Variants in TMCO4 observed in about 807,000 individuals in gnomAD.
TMCO4 encodes the protein transmembrane and coiled-coil domain-containing protein 4.
TMCO4 carries 58 observed loss-of-function variants against 64.7 expected under a neutral mutation model. The observed-to-expected ratio is 0.90, with a 90% CI of 0.73 to 1.12. The LOEUF (loss-of-function observed/expected upper bound fraction) is 1.12. TMCO4 is among the 50% of genes most tolerant of loss of function. The pLI is 0.00. For missense variants in TMCO4, 780 were observed against 825.9 expected (o/e 0.94, Z 0.68); for synonymous variants, 325 against 346.1 (o/e 0.94, Z 0.68).
chr1:19,768,118 A>T (rs1044573084), intron 6 of TMCO4, among the ~76,000 whole-genome samples: 1 of 148,650 alleles, frequency 6.7e-6, no homozygotes, highest in African/African-American at 2.5e-5. Flanking sequence ...AAAAAAGAGG[A>T]TCATCCAAGT....
At chr1:19,696,341 G>A (rs1314051943) in intron 14 of TMCO4, among the ~76,000 whole-genome samples, 1 of 152,112 alleles carries the variant, frequency 6.6e-6, no homozygotes, top group Non-Finnish European at 1.5e-5. Flanking sequence ...CTCGGGCCCA[G>A]GCATTTGAGA....
At chr1:19,766,849 C>T (rs1413243339) in intron 6 of TMCO4, among the ~76,000 whole-genome samples, 1 of 152,100 alleles carries the variant, frequency 6.6e-6, no homozygotes, top group Non-Finnish European at 1.5e-5. Context: ...AAACCACTTC[C>T]CCCTCTAGGC....
chr1:19,798,630 CTG>C (rs1339538742), intron 1 of TMCO4, among the ~76,000 whole-genome samples: 4 of 152,244 alleles, frequency 2.6e-5, no homozygotes, highest in Non-Finnish European at 5.9e-5. Context: ...CTGTCTGATG[CTG>C]CACACGAGGG....
chr1:19,721,808 A>G (rs2100742199), intron 13 of TMCO4, among the ~76,000 whole-genome samples: 1 of 152,138 alleles, frequency 6.6e-6, no homozygotes, highest in Non-Finnish European at 1.5e-5. Flanking sequence ...AAAACAAAAC[A>G]AAACAAAACA....
chr1:19,747,928 T>C (rs890985785), intron 7 of TMCO4, among the ~76,000 whole-genome samples: 1 of 152,190 alleles, frequency 6.6e-6, no homozygotes, highest in Non-Finnish European at 1.5e-5. Context: ...GGAGAGGTTA[T>C]TAAGTAGGAA....
At chr1:19,716,381 C>CTTTTTTTTTTTTTTTTTTTTTTTTCT (rs1262772167) in intron 13 of TMCO4, among the ~76,000 whole-genome samples, 12 of 124,470 alleles carry the variant, frequency 9.6e-5, no homozygotes, top group African/African-American at 1.9e-4. Context: ...TTTTTTCTTT[C>CTTTTTTTTTTTTTTTTTTTTTTTTCT]TTTTTTTTTT....
chr1:19,700,942 A>T, intron 13 of TMCO4, 57 bp from the exon 14 acceptor site: 1 of 1,410,606 alleles, frequency 7.1e-7, no homozygotes, highest in Admixed American at 1.7e-5. Context: ...GGGTGCTGGG[A>T]GGGACTCCAA....
At chr1:19,763,194 G>C (rs1174130315) in intron 6 of TMCO4, among the ~76,000 whole-genome samples, 1 of 151,860 alleles carries the variant, frequency 6.6e-6, no homozygotes, top group Non-Finnish European at 1.5e-5. Flanking sequence ...TTGTTCCTCA[G>C]CCTCCCGGGT....
chr1:19,775,037 G>A (rs1232750614), intron 4 of TMCO4, among the ~76,000 whole-genome samples: 1 of 152,124 alleles, frequency 6.6e-6, no homozygotes, highest in Non-Finnish European at 1.5e-5. Context: ...CTTACACAGG[G>A]CGCACCTGGC....
intron 15 of TMCO4, among the ~76,000 whole-genome samples, chr1:19,685,741 T>C (rs2095143663): frequency 1.9e-5 from 2 of 104,512 alleles, no homozygotes; most frequent in South Asian, 3.2e-4. Context: ...TGAGACAGAG[T>C]CTCGCTCTGT....
At chr1:19,694,584 G>C (rs1396006563) in intron 14 of TMCO4, 33 bp from the exon 15 acceptor site, 4 of 1,602,036 alleles carry the variant, frequency 2.5e-6, no homozygotes, top group Non-Finnish European at 2.6e-6. Context: ...GTGAACATTA[G>C]CACCAGCCTC....
At chr1:19,789,611 C>A (rs998614308) in intron 2 of TMCO4, among the ~76,000 whole-genome samples, 1 of 151,998 alleles carries the variant, frequency 6.6e-6, no homozygotes, top group Non-Finnish European at 1.5e-5. Flanking sequence ...TAGAAAAAAA[C>A]CCTTTTAATT....
At chr1:19,796,941 C>T (rs1458656400) in intron 2 of TMCO4, among the ~76,000 whole-genome samples, 1 of 152,154 alleles carries the variant, frequency 6.6e-6, no homozygotes, top group African/African-American at 2.4e-5. Context: ...GGTCTATCTC[C>T]CTCACTAGAG....
chr1:19,770,625 T>C (rs2042938850), intron 5 of TMCO4, 56 bp from the exon 6 acceptor site: 2 of 1,563,946 alleles, frequency 1.3e-6, no homozygotes, highest in East Asian at 2.3e-5. Context: ...TACAGCGCGC[T>C]CATTTGACAA....
intron 6 of TMCO4, among the ~76,000 whole-genome samples, chr1:19,769,303 G>C (rs2235653): frequency 6.6e-6 from 1 of 152,070 alleles, no homozygotes; most frequent in Non-Finnish European, 1.5e-5. Context: ...GAATGGTACC[G>C]GGGGCAGCCC....
rs369164373 is a variant in TMCO4 at position 19,745,451 on chromosome 1, T to A, written c.877+81A>T. On this transcript the variant is annotated intron_variant, in intron 10 of 15. Transcript: ENST00000294543. The stretch of plus-strand genomic sequence containing the variant: ...GGGGCTCCCTATACCTGCTCCCTAG[T>A]GCAGGTAAAAACCTAGCCCAGGGTC... The A allele has an allele frequency of 5.6e-6, 9 of 1,594,868 alleles. No individual in the cohort carries two copies. The East Asian group carries it at 6.7e-5, about 12-fold the overall frequency.
chr1:19,709,763 C>T (rs1436971356), intron 13 of TMCO4, among the ~76,000 whole-genome samples: 1 of 150,394 alleles, frequency 6.6e-6, no homozygotes, highest in Non-Finnish European at 1.5e-5. Flanking sequence ...ACAAAAAAAG[C>T]TCTGGAATTC....
intron 3 of TMCO4, among the ~76,000 whole-genome samples, chr1:19,781,893 G>A (rs533821839): frequency 7.2e-5 from 11 of 152,252 alleles, no homozygotes; most frequent in East Asian, 5.8e-4. Context: ...TGATCCGCCC[G>A]CCTTGGCCTC....
At chr1:19,752,187 G>T (rs2042050454) in intron 7 of TMCO4, among the ~76,000 whole-genome samples, 1 of 152,070 alleles carries the variant, frequency 6.6e-6, no homozygotes. Context: ...TGTTTGCTCT[G>T]AGTCACATTT....
Sources: allele counts gnomAD v4.1 joint callset (sites outside exome capture counted in the v4.1 genomes callset), GRCh38; gene constraint gnomAD v4.1.1; transcripts MANE v1.5; gene names NCBI Gene and HGNC (gene_info 2026-07-23, HGNC 2026-07-21).